The following SCARA3 variants were observed in gnomAD, a reference collection of about 807,000 sequenced individuals.
SCARA3 encodes scavenger receptor class A member 3.
Under a neutral mutation model 47.0 loss-of-function variants are expected in SCARA3, and 39 were observed. The ratio of observed to expected loss-of-function variants is 0.83; its 90% CI spans 0.64 to 1.08. The LOEUF (loss-of-function observed/expected upper bound fraction) is 1.08. Among genes scored for constraint, SCARA3 ranks in the 50% least tolerant of loss-of-function variants. The pLI, the probability that SCARA3 is intolerant of heterozygous loss-of-function variation, is 0.00. For synonymous variants in SCARA3, 356 were observed against 334.1 expected (o/e 1.07, Z -0.71); for missense variants, 724 against 792.3 (o/e 0.91, Z 1.04).
chr8:27,688,751 C>T, the SCARA3 span, among the ~76,000 whole-genome samples: 2 of 152,134 alleles, frequency 1.3e-5, no homozygotes, highest in Admixed American at 6.5e-5. Context: ...TCCCTTAACC[C>T]AGCATTTTTC....
Position 27,659,123 on chromosome 8 carries a change from T to A in SCARA3, c.953T>A (p.Leu318Gln), listed in dbSNP as rs375201093. The A allele has an allele frequency of 6.1e-5, 98 of 1,614,006 alleles. No homozygotes were observed. Among genetic ancestry groups the A allele is most frequent in the Non-Finnish European group, 7.6e-5 (90 of 1,180,034 alleles). Residue 318 changes from leucine to glutamine, a missense_variant, in exon 5 of 6, where the codon CTG becomes CAG. Coordinates refer to ENST00000301904, the MANE Select transcript of SCARA3 (RefSeq NM_016240.3). ...CAGCTGGATAACATCTCGTCCTTCC[T>A]GGATGACCACGAAGAGAACATGCAT... ...QLQLDNISSF[L>Q]DDHEENMHDL... is the part of the protein sequence containing the mutation.
chr8:27,672,439 A>C lies in SCARA3; in HGVS notation c.*1088A>C, dbSNP rs1483689763. On this transcript the variant is annotated 3_prime_UTR_variant, in exon 6 of 6. Coordinates refer to ENST00000301904, the MANE Select transcript of SCARA3 (RefSeq NM_016240.3). ...CTGAGGCTGGCCTGCCCCATTCCCC[A>C]AGGGGGCTCCTCTGGAGTGGTGGGG... 2.0e-6 allele frequency: 2 copies of C among 985,398 alleles called. No individual in the cohort carries two copies. Among genetic ancestry groups the C allele is most frequent in the East Asian group, 2.3e-4 (2 of 8,792 alleles). 61.0% of individuals were successfully genotyped at this position (985,398 alleles called of 1,614,324 possible).
chr8:27,656,092 G>A (rs576956), intron 3 of SCARA3, among the ~76,000 whole-genome samples: 45,168 of 152,042 alleles, frequency 0.3, 7,519 homozygotes, highest in South Asian at 0.47. Flanking sequence ...ACTGCATCTC[G>A]TCACGTAGGC....
chr8:27,650,421 C>T (rs1801607526), intron 2 of SCARA3, among the ~76,000 whole-genome samples: 1 of 152,196 alleles, frequency 6.6e-6, no homozygotes, highest in Admixed American at 6.5e-5. Context: ...TGGCCTGGAA[C>T]TGTCCCCTTC....
chr8:27,658,723 C>G lies in SCARA3; in HGVS notation c.553C>G (p.Leu185Val), dbSNP rs770043608. The part of the protein sequence containing the change: ...SFSIHQVNQS[L>V]GLFLAQVRGW... Reference sequence around the variant, plus strand: ...CTCCATCCACCAGGTTAACCAGTCTCTGGGGCTCTTCCTGGCCCAGGTGAG... The same window carrying G: ...CTCCATCCACCAGGTTAACCAGTCTGTGGGGCTCTTCCTGGCCCAGGTGAG... Residue 185 changes from leucine to valine, a missense_variant, in exon 5 of 6, where the codon CTG (leucine) becomes GTG (valine). Physicochemically the swap from Leu to Val is conservative, Grantham distance 32 (BLOSUM62 1). Coordinates refer to ENST00000301904, the MANE Select transcript of SCARA3 (RefSeq NM_016240.3). The G allele has an allele frequency of 1.1e-5, 18 of 1,614,168 alleles. No individual in the cohort carries two copies. The highest frequency in any genetic ancestry group is 1.5e-5 in the Non-Finnish European group (18 of 1,180,018).
chr8:27,699,421 C>A, the SCARA3 span, among the ~76,000 whole-genome samples: 1 of 152,028 alleles, frequency 6.6e-6, no homozygotes. Flanking sequence ...TCCACTGCAG[C>A]CTTGACCTCC....
rs1457740630 is a variant in SCARA3 at position 27,671,001 on chromosome 8, C to G, written c.1471C>G (p.Pro491Ala). The change falls in exon 6 of 6, where the codon CCC (proline) becomes GCC (alanine). Residue 491 changes from proline (P) to alanine (A), a missense_variant. Coordinates refer to ENST00000301904, the MANE Select transcript of SCARA3 (RefSeq NM_016240.3). ...GPKGDPGSLG[P>A]LGPQGPQGQP... ...GAAAGGAGACCCCGGCAGCTTGGGCCCCCTGGGACCCCAGGGTCCTCAGGG... is the reference window on the plus strand; with the variant it reads ...GAAAGGAGACCCCGGCAGCTTGGGCGCCCTGGGACCCCAGGGTCCTCAGGG... The G allele has an allele frequency of 1.2e-6, 2 of 1,608,922 alleles. No individual in the cohort carries two copies. The highest frequency in any genetic ancestry group is 1.7e-6 in the Non-Finnish European group (2 of 1,178,680).
intron 3 of SCARA3, among the ~76,000 whole-genome samples, chr8:27,653,331 G>T (rs780425591): frequency 3.7e-4 from 56 of 152,222 alleles, no homozygotes; most frequent in Non-Finnish European, 6.5e-4. Context: ...TCACGGGAGG[G>T]TACAGACCTG....
In SCARA3 at chr8:27,646,966, GCCCCCGC is replaced by G. The variant is rs1377166335; in HGVS notation, c.8-2730_8-2724del. Among the ~76,000 whole-genome samples the G allele has an allele frequency of 4.7e-4, 14 of 29,844 alleles. 4 individuals carry two copies. Among genetic ancestry groups the G allele is most frequent in the Non-Finnish European group, 7.1e-4 (12 of 16,992 alleles). The allele number at this position is 29,844 out of a possible 152,430, so 19.6% of individuals were successfully genotyped here. ...AAAGCACTTGCCCGCACCCCTGACC[GCCCCCGC>G]CCCCCCCCCGCACACACACACTATT... On this transcript the variant is annotated intron_variant, in intron 1 of 5. Coordinates refer to ENST00000301904, the MANE Select transcript of SCARA3 (RefSeq NM_016240.3).
At chr8:27,726,544 T>A in the SCARA3 span, among the ~76,000 whole-genome samples, 3 of 151,798 alleles carry the variant, frequency 2.0e-5, no homozygotes, top group East Asian at 5.9e-4. Flanking sequence ...TAAAAATATT[T>A]AAAAAATTAG....
At chr8:27,652,909 T>A (rs1449617009) in intron 3 of SCARA3, among the ~76,000 whole-genome samples, 1 of 152,130 alleles carries the variant, frequency 6.6e-6, no homozygotes, top group Non-Finnish European at 1.5e-5. Context: ...CATTTGTAAA[T>A]CCCTTCAGGG....
the SCARA3 span, among the ~76,000 whole-genome samples, chr8:27,700,177 A>T: frequency 6.6e-6 from 1 of 152,218 alleles, no homozygotes; most frequent in Non-Finnish European, 1.5e-5. Context: ...TCAAAATTAA[A>T]ACCCTCTATT....
chr8:27,633,508 G>A (rs544940718), upstream of SCARA3, among the ~76,000 whole-genome samples: 26 of 152,280 alleles, frequency 1.7e-4, no homozygotes, highest in South Asian at 5.4e-3. Context: ...CGAGAAAAAC[G>A]TGCAGGGCTA....
At chr8:27,646,929 G>A (rs1445484015) in intron 1 of SCARA3, among the ~76,000 whole-genome samples, 1 of 116,444 alleles carries the variant, frequency 8.6e-6, no homozygotes, top group Admixed American at 1.0e-4. Flanking sequence ...TGCTGTTCCC[G>A]CTTTACCCTC....
Position 27,671,644 on chromosome 8 carries a change from A to G in SCARA3, c.*293A>G. ...CACATACACAGGCATACATGCATGCACACACACATGCACGCACACACACAT... is the reference window on the plus strand; with the variant it reads ...CACATACACAGGCATACATGCATGCGCACACACATGCACGCACACACACAT... On this transcript the variant is annotated 3_prime_UTR_variant, in exon 6 of 6. Coordinates refer to ENST00000301904, the MANE Select transcript of SCARA3 (RefSeq NM_016240.3). 8.9e-7 allele frequency: 1 copy of G among 1,127,052 alleles called. No homozygotes were observed. Among genetic ancestry groups the G allele is most frequent in the Non-Finnish European group, 1.1e-6 (1 of 916,380 alleles). 69.8% of individuals were successfully genotyped at this position (1,127,052 alleles called of 1,614,324 possible).
the SCARA3 span, among the ~76,000 whole-genome samples, chr8:27,696,716 C>A: frequency 6.6e-6 from 1 of 151,394 alleles, no homozygotes; most frequent in Admixed American, 6.6e-5. Context: ...CCTCCTGCCT[C>A]AGCCTCCCAA....
At chr8:27,696,506 A>G in the SCARA3 span, among the ~76,000 whole-genome samples, 2 of 151,900 alleles carry the variant, frequency 1.3e-5, no homozygotes, top group Admixed American at 1.3e-4. Context: ...CCCAGGCTGG[A>G]GTGCAGTGAC....
Position 27,671,981 on chromosome 8 carries a change from T to A in SCARA3, c.*630T>A. 1.0e-6 allele frequency: 1 copy of A among 985,374 alleles called. No individual in the cohort carries two copies. The highest frequency in any genetic ancestry group is 1.7e-5 in the African/African-American group (1 of 57,348). 61.0% of individuals were successfully genotyped at this position (985,374 alleles called of 1,614,324 possible). Reference sequence around the variant, plus strand: ...TCTCACATCTGTCTCTGGGCACCCATGCTGGCCAGCAGTTTCCCAGGGCTC... The same window carrying A: ...TCTCACATCTGTCTCTGGGCACCCAAGCTGGCCAGCAGTTTCCCAGGGCTC... On this transcript the variant is annotated 3_prime_UTR_variant, in exon 6 of 6. Coordinates refer to ENST00000301904, the MANE Select transcript of SCARA3 (RefSeq NM_016240.3).
Position 27,668,546 on chromosome 8 carries a change from C to CAAAA in SCARA3, c.1370-2341_1370-2338dup, listed in dbSNP as rs61162841. Reference sequence around the variant, plus strand: ...TGGGCGACAGAGCGAGACTCCGTCTCAAAAAAAAAAAAAAAAGAAATCACA... The same window carrying CAAAA: ...TGGGCGACAGAGCGAGACTCCGTCTCAAAAAAAAAAAAAAAAAAAAGAAATCACA... On this transcript the variant is annotated intron_variant, in intron 5 of 5. Transcript: ENST00000301904. Among the ~76,000 whole-genome samples the CAAAA allele has an allele frequency of 8.4e-4, 59 of 69,852 alleles. 1 individual carries two copies. The highest frequency in any genetic ancestry group is 1.7e-3 in the African/African-American group (34 of 19,708). The allele number at this position is 69,852 out of a possible 152,430, so 45.8% of individuals were successfully genotyped here. A position where few individuals can be genotyped will look rare whatever the true frequency, so the allele number is the denominator to read the frequency against.
Sources: allele counts gnomAD v4.1 joint callset (sites outside exome capture counted in the v4.1 genomes callset), GRCh38; gene constraint gnomAD v4.1.1; transcripts MANE v1.5; gene names NCBI Gene and HGNC (gene_info 2026-07-23, HGNC 2026-07-21).